SLC9A9: variants seen among roughly 807,000 people sequenced by gnomAD.
The protein encoded by SLC9A9 is solute carrier family 9 member A9.
SLC9A9 carries 62 observed loss-of-function variants against 77.8 expected under a neutral mutation model. The observed-to-expected ratio is 0.80, with a 90% CI of 0.65 to 0.98. The LOEUF (loss-of-function observed/expected upper bound fraction) is 0.98, where lower values mean the gene tolerates loss of function less well. Among genes scored for constraint, SLC9A9 ranks in the 50% least tolerant of loss-of-function variants. SLC9A9 has a pLI of 0.00. For missense variants in SLC9A9, 775 were observed against 774.9 expected, an observed-to-expected ratio of 1.00 and a Z score of 0.00; for synonymous variants, 320 against 283.5, an observed-to-expected ratio of 1.13 and a Z score of -1.29.
intron 6 of SLC9A9, among the ~76,000 whole-genome samples, chr3:143,587,385 CAG>C (rs1267448648): frequency 1.2e-4 from 18 of 152,326 alleles, no homozygotes; most frequent in African/African-American, 4.1e-4. Flanking sequence ...GAGGATGGGA[CAG>C]AGAGGATTGG....
chr3:143,466,223 G>A (rs1195641649), intron 12 of SLC9A9, among the ~76,000 whole-genome samples: 1 of 152,210 alleles, frequency 6.6e-6, no homozygotes, highest in African/African-American at 2.4e-5. Context: ...ATAGGTAGGA[G>A]TCAGGAAGGG....
At chr3:143,343,830 A>G (rs1478717325) in intron 14 of SLC9A9, among the ~76,000 whole-genome samples, 1 of 152,174 alleles carries the variant, frequency 6.6e-6, no homozygotes, top group Admixed American at 6.5e-5. Context: ...CAATGTACTG[A>G]GCTGACTACC....
At chr3:143,565,662 T>C (rs2037156404) in intron 8 of SLC9A9, among the ~76,000 whole-genome samples, 1 of 152,092 alleles carries the variant, frequency 6.6e-6, no homozygotes, top group African/African-American at 2.4e-5. Context: ...TTGAGAATTG[T>C]AGGCACTATT....
rs921458931 is a variant in SLC9A9 at position 143,665,700 on chromosome 3, A to T, written c.650-13340T>A. On this transcript the variant is annotated intron_variant, in intron 5 of 15. Transcript: ENST00000316549. ...AAACTACCATCAGACAATACTATAA[A>T]TACTTCTGTGCAAATAAACTAGAAA... Among the ~76,000 whole-genome samples, 4 of 152,360 alleles carry T rather than the reference A, an allele frequency of 2.6e-5. No homozygotes were observed. The South Asian group carries it at 8.3e-4, about 32-fold the overall frequency.
chr3:143,511,171 G>T (rs1379701748), intron 9 of SLC9A9, among the ~76,000 whole-genome samples: 1 of 152,144 alleles, frequency 6.6e-6, no homozygotes, highest in East Asian at 1.9e-4. Context: ...TGCAGTGGGG[G>T]TGGGCGGATG....
chr3:143,620,547 A>C lies in SLC9A9; in HGVS notation c.755+31708T>G, dbSNP rs536870257. On this transcript the variant is annotated intron_variant, in intron 6 of 15. Coordinates refer to ENST00000316549, the MANE Select transcript of SLC9A9 (RefSeq NM_173653.4). ...CCACGTGGGTGTGGGCATCCAGAAC[A>C]ACTCCTCAGGCAGACTCAGCAAGAA... The C allele has an allele frequency of 2.6e-5, 4 of 152,344 alleles. No individual in the cohort carries two copies. The East Asian group carries it at 5.8e-4, about 22-fold the overall frequency. 9.4% of individuals were successfully genotyped at this position (152,344 alleles called of 1,614,324 possible).
At chr3:143,769,319 G>A (rs57079699) in intron 4 of SLC9A9, among the ~76,000 whole-genome samples, 23,565 of 152,060 alleles carry the variant, frequency 0.15, 2,580 homozygotes, top group East Asian at 0.46. Flanking sequence ...TGTATTATAC[G>A]TTTCCTATAC....
At chr3:143,500,236 TTC>T (rs2035903348) in intron 9 of SLC9A9, among the ~76,000 whole-genome samples, 1 of 152,208 alleles carries the variant, frequency 6.6e-6, no homozygotes, top group Non-Finnish European at 1.5e-5. Flanking sequence ...GAATTTGTCA[TTC>T]CACCTACATT....
At chr3:143,574,569 A>T (rs1576585887) in intron 7 of SLC9A9, among the ~76,000 whole-genome samples, 1 of 152,190 alleles carries the variant, frequency 6.6e-6, no homozygotes, top group Admixed American at 6.5e-5. Context: ...TGCTGCAAGT[A>T]TGTCAGTACC....
intron 4 of SLC9A9, among the ~76,000 whole-genome samples, chr3:143,786,169 A>G (rs555493567): frequency 6.6e-6 from 1 of 152,206 alleles, no homozygotes; most frequent in East Asian, 1.9e-4. Flanking sequence ...TGAATTTTTC[A>G]TTTAAAAGGA....
intron 4 of SLC9A9, among the ~76,000 whole-genome samples, chr3:143,759,638 C>A (rs1049120406): frequency 8.6e-5 from 13 of 151,844 alleles, no homozygotes; most frequent in African/African-American, 3.1e-4. Context: ...CCTCTATCCT[C>A]ATAAGAAATA....
intron 1 of SLC9A9, among the ~76,000 whole-genome samples, chr3:143,843,635 T>C (rs989749341): frequency 6.6e-6 from 1 of 152,212 alleles, no homozygotes; most frequent in Non-Finnish European, 1.5e-5. Context: ...TCTAAGAGGT[T>C]TAAATTGCTC....
chr3:143,655,550 T>C, intron 5 of SLC9A9: 2 of 985,384 alleles, frequency 2.0e-6, no homozygotes, highest in South Asian at 4.7e-5. Flanking sequence ...TGGCTTGGAG[T>C]TCCTTCTCCT....
intron 12 of SLC9A9, among the ~76,000 whole-genome samples, chr3:143,404,144 G>T (rs1479767447): frequency 2.0e-5 from 3 of 150,394 alleles, no homozygotes; most frequent in African/African-American, 7.3e-5. Flanking sequence ...TTCACCTCAA[G>T]AATTTTTAAT....
chr3:143,355,128 C>CA (rs1280377894), intron 14 of SLC9A9, among the ~76,000 whole-genome samples: 1 of 152,170 alleles, frequency 6.6e-6, no homozygotes, highest in Non-Finnish European at 1.5e-5. Flanking sequence ...TCCATTTACT[C>CA]AAAATCAAAG....
At chr3:143,525,676 C>G (rs2036391888) in intron 9 of SLC9A9, among the ~76,000 whole-genome samples, 1 of 152,150 alleles carries the variant, frequency 6.6e-6, no homozygotes, top group African/African-American at 2.4e-5. Flanking sequence ...TTCAAACATG[C>G]CCCTTCACTT....
At position 143,794,974 on chromosome 3, in the gene SLC9A9, G is replaced by A. The variant is rs1294042520; in HGVS notation, c.533+27C>T. On this transcript the variant is annotated intron_variant, in intron 4 of 15. Coordinates refer to ENST00000316549, the MANE Select transcript of SLC9A9 (RefSeq NM_173653.4). Reference sequence around the variant, plus strand: ...CAGATCACAGACCCCACAGCCACCTGCAACTTGAGCTCCGAATGTCACTTA... The same window carrying A: ...CAGATCACAGACCCCACAGCCACCTACAACTTGAGCTCCGAATGTCACTTA... 7 of 1,605,468 alleles carry A rather than the reference G, an allele frequency of 4.4e-6. No individual in the cohort carries two copies. The African/African-American group carries it at 6.7e-5, about 15-fold the overall frequency.
chr3:143,596,255 A>G (rs116576053), intron 6 of SLC9A9, among the ~76,000 whole-genome samples: 111 of 152,338 alleles, frequency 7.3e-4, no homozygotes, highest in Middle Eastern at 3.4e-3. Context: ...TGAGAGATAA[A>G]GCAGATAATA....
chr3:143,577,918 A>G (rs914654111), intron 7 of SLC9A9, among the ~76,000 whole-genome samples: 2 of 152,076 alleles, frequency 1.3e-5, no homozygotes, highest in African/African-American at 2.4e-5. Context: ...CTTTTGCCCT[A>G]TCTGAATGTT....
Sources: allele counts gnomAD v4.1 joint callset (sites outside exome capture counted in the v4.1 genomes callset), GRCh38; gene constraint gnomAD v4.1.1; transcripts MANE v1.5; gene names NCBI Gene and HGNC (gene_info 2026-07-23, HGNC 2026-07-21).